NHSL1: variants seen among roughly 807,000 people sequenced by gnomAD.
NHSL1 encodes the protein NHS-like protein 1.
In NHSL1, 48 loss-of-function variants were observed where a neutral mutation model predicts 95.0. That is an observed-to-expected ratio of 0.51 (90% CI 0.40 to 0.64). NHSL1 has a LOEUF of 0.64. NHSL1 is among the 30% of genes least tolerant of loss of function. The pLI is 0.00. For synonymous variants in NHSL1, 783 were observed against 833.9 expected (o/e 0.94, Z 1.05); for missense variants, 1,971 against 2,077.7 (o/e 0.95, Z 1.00).
chr6:138,438,106 T>C (rs1776304377), intron 5 of NHSL1, among the ~76,000 whole-genome samples: 1 of 152,214 alleles, frequency 6.6e-6, no homozygotes, highest in Admixed American at 6.5e-5. Flanking sequence ...AAAATGTTAA[T>C]AAACAGTATT....
intron 1 of NHSL1, among the ~76,000 whole-genome samples, chr6:138,615,475 CT>C (rs200009909): frequency 0.036 from 5,519 of 152,232 alleles, 162 homozygotes; most frequent in Admixed American, 0.058. Flanking sequence ...AAGTCAGGTT[CT>C]TTTTTTCTTT....
At chr6:138,579,135 G>T (rs1442428963) in intron 1 of NHSL1, among the ~76,000 whole-genome samples, 2 of 152,232 alleles carry the variant, frequency 1.3e-5, no homozygotes, top group Non-Finnish European at 2.9e-5. Context: ...TCTGACAGGA[G>T]GTGAAGCTCA....
chr6:138,530,047 T>C (rs911652941), intron 1 of NHSL1, among the ~76,000 whole-genome samples: 1 of 152,202 alleles, frequency 6.6e-6, no homozygotes, highest in Non-Finnish European at 1.5e-5. Flanking sequence ...TAATCAATTA[T>C]AGATTACAAT....
At chr6:138,428,156 G>A (rs929301145) in intron 7 of NHSL1, among the ~76,000 whole-genome samples, 4 of 152,120 alleles carry the variant, frequency 2.6e-5, no homozygotes, top group African/African-American at 4.8e-5. Context: ...ACCAAGTATC[G>A]AGTACACAGA....
chr6:138,501,016 T>C (rs1416740348), upstream of NHSL1, among the ~76,000 whole-genome samples: 1 of 152,242 alleles, frequency 6.6e-6, no homozygotes, highest in Non-Finnish European at 1.5e-5. Flanking sequence ...AACAAATTTA[T>C]CTGCAAGAGT....
chr6:138,482,050 G>C (rs1779443911), intron 2 of NHSL1, among the ~76,000 whole-genome samples: 2 of 152,182 alleles, frequency 1.3e-5, no homozygotes, highest in African/African-American at 4.8e-5. Context: ...TTAGCTGCAG[G>C]TGAAGCAAGA....
chr6:138,689,290 C>T (rs1239791813), intron 1 of NHSL1, among the ~76,000 whole-genome samples: 22 of 152,162 alleles, frequency 1.4e-4, no homozygotes, highest in Admixed American at 1.4e-3. Context: ...ATGTGGTGAT[C>T]GAGGTGAACC....
At chr6:138,592,404 GC>G (rs747406618) in intron 1 of NHSL1, among the ~76,000 whole-genome samples, 1 of 152,110 alleles carries the variant, frequency 6.6e-6, no homozygotes, top group Non-Finnish European at 1.5e-5. Context: ...TTTGAGACCA[GC>G]CTGGCCAGCA....
At chr6:138,488,752 G>T (rs373441977) in intron 2 of NHSL1, among the ~76,000 whole-genome samples, 6 of 152,306 alleles carry the variant, frequency 3.9e-5, no homozygotes, top group Admixed American at 2.0e-4. Context: ...TTCCCAGGGT[G>T]AGCTTTGTCC....
intron 1 of NHSL1, among the ~76,000 whole-genome samples, chr6:138,662,660 C>A (rs7768701): frequency 0.012 from 1,803 of 152,256 alleles, 40 homozygotes; most frequent in African/African-American, 0.041. Context: ...ACTGGCTACT[C>A]ATATTTTGGA....
intron 3 of NHSL1, chr6:138,464,054 T>C (rs1778177582): frequency 9.7e-6 from 4 of 413,862 alleles, no homozygotes; most frequent in South Asian, 3.3e-5. Flanking sequence ...ATTTACTCAG[T>C]AAATGAATGA....
chr6:138,659,019 G>GCTAGCAAACCATCCATCCTTGTTTC (rs1785191428), intron 1 of NHSL1, among the ~76,000 whole-genome samples: 1 of 147,502 alleles, frequency 6.8e-6, no homozygotes, highest in Non-Finnish European at 1.5e-5. Context: ...AAGTCACTAT[G>GCTAGCAAACCATCCATCCTTGTTTC]TATAACATGC....
intron 1 of NHSL1, among the ~76,000 whole-genome samples, chr6:138,586,030 C>A (rs1394963104): frequency 1.3e-5 from 2 of 151,638 alleles, no homozygotes; most frequent in Non-Finnish European, 2.9e-5. Context: ...CTAGCCTGGG[C>A]AACAGAGCAA....
intron 3 of NHSL1, among the ~76,000 whole-genome samples, chr6:138,453,118 G>A (rs1055700228): frequency 4.6e-5 from 7 of 150,978 alleles, no homozygotes; most frequent in Non-Finnish European, 1.0e-4. Flanking sequence ...GGGATTACAG[G>A]CACGTGCCAC....
intron 4 of NHSL1, 91 bp downstream of exon 4, chr6:138,446,910 G>T: frequency 8.6e-7 from 1 of 1,157,764 alleles, no homozygotes; most frequent in Non-Finnish European, 1.3e-6. Flanking sequence ...ATTCACCTTT[G>T]ATGTAGCAAT....
At chr6:138,470,897 A>G (rs1012320591) in intron 3 of NHSL1, among the ~76,000 whole-genome samples, 4 of 152,220 alleles carry the variant, frequency 2.6e-5, no homozygotes, top group African/African-American at 9.7e-5. Context: ...TGCCAGTGCC[A>G]GCAAATCACA....
At chr6:138,623,723 G>A (rs984221003) in intron 1 of NHSL1, among the ~76,000 whole-genome samples, 10 of 152,076 alleles carry the variant, frequency 6.6e-5, no homozygotes, top group Admixed American at 1.3e-4. Flanking sequence ...GATTACAGAG[G>A]TGATATAGTT....
chr6:138,621,630 G>A lies in NHSL1; in HGVS notation c.96+70846C>T, dbSNP rs77882652. Among the ~76,000 whole-genome samples the A allele has an allele frequency of 9.2e-3, 1,406 of 152,124 alleles. 18 individuals carry two copies. Among genetic ancestry groups the A allele is most frequent in the Non-Finnish European group, 0.016 (1,073 of 67,992 alleles). ...TGGGAATACAGGTGTGTGCCACCAC[G>A]ACCAGCTAATTTTTGAATTAGTAGA... On this transcript the variant is annotated intron_variant, in intron 1 of 3. Transcript: ENST00000491526.
intron 1 of NHSL1, among the ~76,000 whole-genome samples, chr6:138,525,254 G>A (rs976095960): frequency 3.3e-5 from 5 of 152,136 alleles, no homozygotes; most frequent in East Asian, 1.9e-4. Flanking sequence ...GGCTGAGCAC[G>A]GTGGCTTATG....
Sources: allele counts gnomAD v4.1 joint callset (sites outside exome capture counted in the v4.1 genomes callset), GRCh38; gene constraint gnomAD v4.1.1; transcripts MANE v1.5; gene names NCBI Gene and HGNC (gene_info 2026-07-23, HGNC 2026-07-21).